Variants in GLI2 observed in about 807,000 individuals in gnomAD.
GLI2 encodes the protein transcription activator GLI2.
GLI2 carries 22 observed loss-of-function variants against 78.9 expected under a neutral mutation model. That is an observed-to-expected ratio of 0.28 (90% confidence interval 0.20 to 0.40). GLI2 has a LOEUF of 0.40. Ranked by LOEUF, GLI2 falls within the 10% of genes least tolerant of loss-of-function variation. The pLI, the probability that GLI2 is intolerant of heterozygous loss-of-function variation, is 1.00. For missense variants in GLI2, 2,097 were observed against 2,213.2 expected, an observed-to-expected ratio of 0.95 and a Z score of 1.05; for synonymous variants, 974 against 963.7, an observed-to-expected ratio of 1.01 and a Z score of -0.20.
Position 120,939,663 on chromosome 2 carries a change from A to T in GLI2, c.255-11580A>T, listed in dbSNP as rs141113791. 1.2e-3 allele frequency among the ~76,000 whole-genome samples: 182 copies of T among 152,340 alleles called. 1 individual carries two copies. The highest frequency in any genetic ancestry group is 1.5e-3 in the East Asian group (8 of 5,184). On this transcript the variant is annotated intron_variant, in intron 3 of 13. Coordinates refer to ENST00000361492, the MANE Select transcript of GLI2 (RefSeq NM_001374353.1). ...TCATTCATTTGGGCTGCTCCGAAGC[A>T]GTCTATGTTGACTGGCATTTGGGAT...
chr2:120,761,750 G>A (rs1683221044), intron 1 of GLI2, among the ~76,000 whole-genome samples: 1 of 152,256 alleles, frequency 6.6e-6, no homozygotes, highest in South Asian at 2.1e-4. Flanking sequence ...AGCAGCTTGT[G>A]CCATTCCAGG....
intron 2 of GLI2, among the ~76,000 whole-genome samples, chr2:120,920,796 C>A (rs967314130): frequency 1.3e-5 from 2 of 150,500 alleles, no homozygotes; most frequent in Admixed American, 6.6e-5. Context: ...AAAAGAGAGT[C>A]ATTTCTTTGA....
At chr2:120,943,713 T>C (rs11122834) in intron 3 of GLI2, among the ~76,000 whole-genome samples, 131,130 of 152,210 alleles carry the variant, frequency 0.86, 59,385 homozygotes, top group East Asian at 1. Flanking sequence ...GCACAGATCT[T>C]GGAGCAAAGC....
At chr2:120,784,075 C>T (rs542682937) in intron 1 of GLI2, among the ~76,000 whole-genome samples, 70 of 152,306 alleles carry the variant, frequency 4.6e-4, no homozygotes, top group African/African-American at 1.2e-3. Context: ...ACATGGTGTG[C>T]GGGGGCAATC....
chr2:120,858,916 A>G (rs1453454407), intron 2 of GLI2, among the ~76,000 whole-genome samples: 1 of 152,188 alleles, frequency 6.6e-6, no homozygotes, highest in Non-Finnish European at 1.5e-5. Context: ...GGGTTTTGCA[A>G]CGAGTTGTCT....
chr2:120,829,202 T>C (rs562721026), intron 2 of GLI2, among the ~76,000 whole-genome samples: 2 of 152,192 alleles, frequency 1.3e-5, no homozygotes, highest in African/African-American at 2.4e-5. Context: ...CACATTCGCA[T>C]GCACACGCCT....
At chr2:120,799,367 G>C (rs984850217) in intron 2 of GLI2, among the ~76,000 whole-genome samples, 6 of 152,220 alleles carry the variant, frequency 3.9e-5, no homozygotes, top group African/African-American at 1.4e-4. Context: ...CGTGAGCATA[G>C]TTGCCACAGG....
intron 2 of GLI2, among the ~76,000 whole-genome samples, chr2:120,925,767 G>A (rs1679630227): frequency 2.6e-5 from 4 of 152,144 alleles, no homozygotes; most frequent in Admixed American, 2.6e-4. Flanking sequence ...ACTCAACTGT[G>A]CATGTAAAAA....
At chr2:120,762,079 C>CT (rs1683231760) in intron 1 of GLI2, among the ~76,000 whole-genome samples, 1 of 152,200 alleles carries the variant, frequency 6.6e-6, no homozygotes, top group African/African-American at 2.4e-5. Flanking sequence ...CCACACTCTG[C>CT]TGGGGGCACA....
chr2:120,968,683 G>A (rs757081861), intron 5 of GLI2, 31 bp from the exon 6 acceptor site: 8 of 1,432,720 alleles, frequency 5.6e-6, no homozygotes, highest in Non-Finnish European at 7.9e-6. Context: ...CCCCAGTGAT[G>A]CTGACCTGTC....
At chr2:120,944,582 C>G (rs905153365) in intron 3 of GLI2, among the ~76,000 whole-genome samples, 1 of 152,248 alleles carries the variant, frequency 6.6e-6, no homozygotes, top group African/African-American at 2.4e-5. Context: ...CAGGGGACCA[C>G]CAAGCCAACC....
chr2:120,751,149 G>A (rs1424818885), intron 1 of GLI2, among the ~76,000 whole-genome samples: 1 of 152,252 alleles, frequency 6.6e-6, no homozygotes, highest in Non-Finnish European at 1.5e-5. Context: ...GGACAGGACA[G>A]CTGGAAAGGG....
chr2:120,764,856 C>T (rs1683321020), intron 1 of GLI2, among the ~76,000 whole-genome samples: 1 of 152,228 alleles, frequency 6.6e-6, no homozygotes, highest in African/African-American at 2.4e-5. Flanking sequence ...TGTCCCAGAG[C>T]TCTGTGCTTG....
intron 3 of GLI2, among the ~76,000 whole-genome samples, chr2:120,944,303 G>A (rs867885838): frequency 1.3e-5 from 2 of 152,150 alleles, no homozygotes; most frequent in East Asian, 3.9e-4. Context: ...AGATGAGCGG[G>A]GTGAGCACTA....
At chr2:120,886,337 C>T (rs1677413659) in intron 2 of GLI2, among the ~76,000 whole-genome samples, 1 of 151,982 alleles carries the variant, frequency 6.6e-6, no homozygotes, top group South Asian at 2.1e-4. Flanking sequence ...TTGATCATGG[C>T]TCACTGCAGC....
At chr2:120,951,975 A>G (rs1029586636) in intron 4 of GLI2, among the ~76,000 whole-genome samples, 1 of 152,226 alleles carries the variant, frequency 6.6e-6, no homozygotes, top group Non-Finnish European at 1.5e-5. Context: ...CAGAGATCAG[A>G]TGGCCACCCC....
intron 2 of GLI2, among the ~76,000 whole-genome samples, chr2:120,798,079 G>A (rs952751018): frequency 6.6e-6 from 1 of 152,182 alleles, no homozygotes; most frequent in African/African-American, 2.4e-5. Context: ...GACCTCCGCT[G>A]TGTCTGCACA....
chr2:120,913,703 G>A (rs1226609570), intron 2 of GLI2, among the ~76,000 whole-genome samples: 1 of 152,208 alleles, frequency 6.6e-6, no homozygotes, highest in African/African-American at 2.4e-5. Flanking sequence ...TCATTCCCCT[G>A]TTGATTGCAG....
At chr2:120,943,432 C>T (rs1276589996) in intron 3 of GLI2, among the ~76,000 whole-genome samples, 5 of 152,184 alleles carry the variant, frequency 3.3e-5, no homozygotes, top group South Asian at 2.1e-4. Context: ...TGTGGCCCCT[C>T]GCCTGCTGCC....
Sources: allele counts gnomAD v4.1 joint callset (sites outside exome capture counted in the v4.1 genomes callset), GRCh38; gene constraint gnomAD v4.1.1; transcripts MANE v1.5; gene names NCBI Gene and HGNC (gene_info 2026-07-23, HGNC 2026-07-21).